MPST: variants seen among roughly 807,000 people sequenced by gnomAD.
The protein encoded by MPST is 3-mercaptopyruvate sulfurtransferase.
MPST carries 27 observed loss-of-function variants against 28.5 expected under a neutral mutation model. The observed-to-expected ratio is 0.95, with a 90% CI of 0.70 to 1.31. MPST has a LOEUF of 1.31. Among genes scored for constraint, MPST ranks in the 50% most tolerant of loss-of-function variants. The probability of loss-of-function intolerance (pLI) is 0.00; values close to 1 mark genes in which losing one functional copy is unlikely to be tolerated. For synonymous variants in MPST, 204 were observed against 209.3 expected (o/e 0.97, Z 0.22); for missense variants, 492 against 471.1 (o/e 1.04, Z -0.41).
At position 37,024,379 on chromosome 22, in the gene MPST, C is replaced by T; in HGVS notation, c.224C>T (p.Pro75Leu). The T allele has an allele frequency of 1.3e-6, 2 of 1,544,950 alleles. No homozygotes were observed. Among genetic ancestry groups the T allele is most frequent in the South Asian group, 2.4e-5 (2 of 83,674 alleles). ...CGCGAGTTCGAGGAGCGCCACATCCCGGGCGCCGCTTTCTTCGACATCGAC... is the reference window on the plus strand; with the variant it reads ...CGCGAGTTCGAGGAGCGCCACATCCTGGGCGCCGCTTTCTTCGACATCGAC... ...ARREFEERHI[P>L]GAAFFDIDQC... Residue 75 changes from proline (P) to leucine (L), a missense_variant, in exon 2 of 3, where the codon CCG (proline) becomes CTG (leucine). Physicochemically the swap from Pro to Leu is moderately conservative, Grantham distance 98. Coordinates refer to ENST00000429360, the MANE Select transcript of MPST (RefSeq NM_021126.8).
intron 2 of MPST, 168 bp from the exon 3 acceptor site, chr22:37,029,048 A>G (rs563589406): frequency 1.5e-6 from 1 of 678,088 alleles, no homozygotes; most frequent in South Asian, 1.9e-5. Context: ...GGGCTCCTCT[A>G]AACAGTGCTC....
intron 1 of MPST, chr22:37,023,719 G>T (rs955538368): frequency 1.8e-6 from 2 of 1,095,238 alleles, no homozygotes; most frequent in South Asian, 3.8e-5. Flanking sequence ...ACCCAGCAAG[G>T]ACTCAGTAAA....
chr22:37,020,005 T>C (rs999487167), intron 1 of MPST, 133 bp downstream of exon 1: 113 of 449,210 alleles, frequency 2.5e-4, no homozygotes, highest in Non-Finnish European at 3.6e-4. Flanking sequence ...GGCGCGCCGC[T>C]ACGTTGGCAC....
At position 37,029,389 on chromosome 22, in the gene MPST, G is replaced by A. The variant is rs1227456722; in HGVS notation, c.829G>A (p.Val277Met). Residue 277 changes from valine (V) to methionine (M), a missense_variant, in exon 3 of 3, where the codon GTG (valine) becomes ATG (methionine). Transcript: ENST00000429360. ...TGGCTCTGGCGTCACAGCCTGCCAC[G>A]TGGCACTAGGGGCCTACCTCTGCGG... Reference protein sequence around the residue: ...TCGSGVTACHVALGAYLCGKP... With the variant: ...TCGSGVTACHMALGAYLCGKP... 6 of 1,613,856 alleles carry A rather than the reference G, an allele frequency of 3.7e-6. No homozygotes were observed. Among genetic ancestry groups the A allele is most frequent in the African/African-American group, 1.3e-5 (1 of 74,946 alleles).
chr22:37,027,256 G>A (rs778528800), intron 2 of MPST: 2 of 152,218 alleles, frequency 1.3e-5, no homozygotes, highest in Non-Finnish European at 2.9e-5. Flanking sequence ...CCCAGCCCAA[G>A]CGTTAGTTGT....
intron 1 of MPST, 171 bp downstream of exon 1, chr22:37,020,043 C>G: frequency 2.7e-6 from 1 of 368,270 alleles, no homozygotes; most frequent in Non-Finnish European, 4.8e-6. Flanking sequence ...TTGGGGCGGC[C>G]TGCCGGGTGG....
intron 1 of MPST, among the ~76,000 whole-genome samples, chr22:37,021,681 C>T (rs1369339348): frequency 6.6e-6 from 1 of 152,052 alleles, no homozygotes. Context: ...CCATGTTAGT[C>T]AGGCTGGTCT....
At chr22:37,029,165 CA>C (rs764920048) in intron 2 of MPST, 50 bp from the exon 3 acceptor site, 1 of 1,544,868 alleles carries the variant, frequency 6.5e-7, no homozygotes, top group East Asian at 2.3e-5. Context: ...TACGAGGTAC[CA>C]TTCATAGCAT....
intron 1 of MPST, among the ~76,000 whole-genome samples, chr22:37,020,926 T>C (rs1280168922): frequency 6.6e-6 from 1 of 152,046 alleles, no homozygotes; most frequent in Non-Finnish European, 1.5e-5. Context: ...CCCAAAGTGC[T>C]GAGATTACAG....
rs1923782902 is a variant in MPST, at chr22:37,029,784, T to C, written c.*270T>C. On this transcript the variant is annotated 3_prime_UTR_variant, in exon 3 of 3. Transcript: ENST00000429360. ...GGGGCCCCGCCTCCTTTCTGTTTTA[T>C]TTTTGAGGAAATAAAATAACCAAGT... 4 of 530,366 alleles carry C rather than the reference T, an allele frequency of 7.5e-6. No homozygotes were observed. The highest frequency in any genetic ancestry group is 1.3e-5 in the Non-Finnish European group (4 of 298,268). The allele number at this position is 530,366 out of a possible 1,614,324, so 32.9% of individuals were successfully genotyped here.
At position 37,024,431 on chromosome 22, in the gene MPST, C is replaced by A; in HGVS notation, c.276C>A (p.Tyr92Ter). Residue 92 changes from tyrosine to a stop codon, truncating the protein, a stop_gained, in exon 2 of 3, where the codon TAC (tyrosine) becomes TAA (stop). Transcript: ENST00000429360. LOFTEE classifies it high-confidence loss of function. Reference sequence around the variant, plus strand: ...AGTGCAGCGACCGCACCTCGCCCTACGACCACATGCTGCCCGGGGCCGAGC... The same window carrying A: ...AGTGCAGCGACCGCACCTCGCCCTAAGACCACATGCTGCCCGGGGCCGAGC... ...IDQCSDRTSP[Y>*]DHMLPGAEHF... 6.5e-7 allele frequency: 1 copy of A among 1,543,558 alleles called. No homozygotes were observed. The highest frequency in any genetic ancestry group is 8.8e-7 in the Non-Finnish European group (1 of 1,142,424).
intron 1 of MPST, among the ~76,000 whole-genome samples, chr22:37,022,747 ATGT>A (rs1369249321): frequency 5.9e-5 from 9 of 152,174 alleles, no homozygotes; most frequent in Admixed American, 5.2e-4. Flanking sequence ...CGGTCCACAG[ATGT>A]TGTTCTCTAC....
At position 37,024,426 on chromosome 22, in the gene MPST, C is replaced by T. The variant is rs952855227; in HGVS notation, c.271C>T (p.Pro91Ser). The change falls in exon 2 of 3, where the codon CCC becomes TCC. Residue 91 changes from proline (P) to serine (S), a missense_variant. Transcript: ENST00000429360. The part of the protein sequence containing the change: ...DIDQCSDRTS[P>S]YDHMLPGAEH... ...CGACCAGTGCAGCGACCGCACCTCG[C>T]CCTACGACCACATGCTGCCCGGGGC... 6.5e-7 allele frequency: 1 copy of T among 1,544,280 alleles called. No homozygotes were observed. Among genetic ancestry groups the T allele is most frequent in the Admixed American group, 1.9e-5 (1 of 51,488 alleles).
intron 2 of MPST, chr22:37,026,423 T>C (rs966350020): frequency 4.6e-5 from 7 of 152,130 alleles, no homozygotes; most frequent in African/African-American, 1.4e-4. Context: ...AGCTCATCTA[T>C]AGAATGGGAG....
intron 1 of MPST, among the ~76,000 whole-genome samples, chr22:37,020,506 C>T (rs4820267): frequency 0.04 from 6,124 of 152,256 alleles, 174 homozygotes; most frequent in Admixed American, 0.09. Flanking sequence ...TGATGTAATT[C>T]AATTTTTAAT....
chr22:37,024,404 C>G lies in MPST; in HGVS notation c.249C>G (p.Asp83Glu). 5 of 1,546,974 alleles carry G rather than the reference C, an allele frequency of 3.2e-6. No individual in the cohort carries two copies. The highest frequency in any genetic ancestry group is 3.5e-6 in the Non-Finnish European group (4 of 1,145,722). ...CGGGCGCCGCTTTCTTCGACATCGA[C>G]CAGTGCAGCGACCGCACCTCGCCCT... ...HIPGAAFFDI[D>E]QCSDRTSPYD... The change falls in exon 2 of 3, where the codon GAC (aspartate) becomes GAG (glutamate). Residue 83 changes from aspartate (D) to glutamate (E), a missense_variant. Coordinates refer to ENST00000429360, the MANE Select transcript of MPST (RefSeq NM_021126.8).
chr22:37,020,972 T>TA (rs1435592841), intron 1 of MPST, among the ~76,000 whole-genome samples: 6 of 138,926 alleles, frequency 4.3e-5, no homozygotes, highest in African/African-American at 1.3e-4. Context: ...TCCCTCTTTT[T>TA]AAAAAAAGGT....
chr22:37,024,800 G>GC lies in MPST; in HGVS notation c.649dup (p.Arg217ProfsTer5). 1 of 1,603,436 alleles carries GC rather than the reference G, an allele frequency of 6.2e-7. No homozygotes were observed. The highest frequency in any genetic ancestry group is 8.5e-7 in the Non-Finnish European group (1 of 1,179,396). ...GCAGGTTCCGCGGCACCGAGCCCGA[G>GC]CCCCGAGACGGTAACGCGGGGGAAG... On this transcript the variant is annotated frameshift_variant, in exon 2 of 3. Coordinates refer to ENST00000429360, the MANE Select transcript of MPST (RefSeq NM_021126.8). LOFTEE classifies it high-confidence loss of function.
chr22:37,022,392 C>T (rs1208348264), intron 1 of MPST, among the ~76,000 whole-genome samples: 2 of 152,234 alleles, frequency 1.3e-5, no homozygotes, highest in African/African-American at 4.8e-5. Flanking sequence ...TGCAGCCTGA[C>T]GTTTCCCCCC....
Sources: gnomAD v4.1 joint callset for allele counts (sites outside exome capture counted in the v4.1 genomes callset) on GRCh38, gnomAD v4.1.1 for gene constraint, MANE v1.5 for transcripts, NCBI Gene and HGNC (gene_info 2026-07-23, HGNC 2026-07-21) for gene names.